Variants in CAMK1D observed in about 807,000 individuals in gnomAD.
CAMK1D encodes the protein calcium/calmodulin dependent protein kinase ID.
CAMK1D carries 9 observed loss-of-function variants against 47.7 expected under a neutral mutation model. The ratio of observed to expected loss-of-function variants is 0.19; its 90% CI spans 0.11 to 0.33. The LOEUF (loss-of-function observed/expected upper bound fraction) is 0.33, where lower values mean the gene tolerates loss of function less well. Ranked by LOEUF, CAMK1D falls within the 10% of genes least tolerant of loss-of-function variation. The pLI is 1.00. For synonymous variants in CAMK1D, 184 were observed against 184.9 expected (o/e 0.99, Z 0.04); for missense variants, 291 against 488.7 (o/e 0.60, Z 3.81).
At position 12,654,246 on chromosome 10, in the gene CAMK1D, A is replaced by C. The variant is rs369770051; in HGVS notation, c.225-12490A>C. On this transcript the variant is annotated intron_variant, in intron 2 of 10. Coordinates refer to ENST00000619168, the MANE Select transcript of CAMK1D (RefSeq NM_153498.4). ...GTATTTCATACAGGAATAGCTTCTA[A>C]ATTCACCTTGTAAGCATCCACAGTG... Among the ~76,000 whole-genome samples the C allele has an allele frequency of 7.9e-5, 12 of 152,308 alleles. No individual in the cohort carries two copies. The East Asian group carries it at 2.1e-3, about 27-fold the overall frequency.
chr10:12,716,343 A>G (rs1431963580), intron 3 of CAMK1D, among the ~76,000 whole-genome samples: 1 of 152,056 alleles, frequency 6.6e-6, no homozygotes, highest in African/African-American at 2.4e-5. Flanking sequence ...ACATTGTCAT[A>G]TGTCCCCTGC....
chr10:12,598,995 T>C (rs1838225292), intron 2 of CAMK1D, among the ~76,000 whole-genome samples: 1 of 152,186 alleles, frequency 6.6e-6, no homozygotes, highest in Non-Finnish European at 1.5e-5. Context: ...TGAGTAATGA[T>C]GCACGAGAAT....
At chr10:12,426,107 C>T (rs1840220906) in intron 1 of CAMK1D, among the ~76,000 whole-genome samples, 1 of 152,214 alleles carries the variant, frequency 6.6e-6, no homozygotes, top group South Asian at 2.1e-4. Flanking sequence ...AGCATTGCAA[C>T]AATTCCTCTT....
intron 5 of CAMK1D, among the ~76,000 whole-genome samples, chr10:12,781,972 GTT>G (rs58759372): frequency 0.014 from 1,782 of 128,524 alleles, 25 homozygotes; most frequent in East Asian, 0.054. Flanking sequence ...TAATTTAATT[GTT>G]TTTTTTTTTT....
chr10:12,773,194 CAG>C (rs1195159995), intron 5 of CAMK1D, among the ~76,000 whole-genome samples: 1 of 152,232 alleles, frequency 6.6e-6, no homozygotes, highest in Non-Finnish European at 1.5e-5. Context: ...TAAAAACACA[CAG>C]ATCATGAATC....
intron 3 of CAMK1D, among the ~76,000 whole-genome samples, chr10:12,710,156 TTAAG>T (rs1480268268): frequency 2.0e-5 from 3 of 152,220 alleles, no homozygotes. Flanking sequence ...CAGAAGAAAA[TTAAG>T]TGTTACCGTT....
intron 3 of CAMK1D, among the ~76,000 whole-genome samples, chr10:12,685,280 G>C (rs7895942): frequency 2.8e-4 from 43 of 152,160 alleles, no homozygotes; most frequent in African/African-American, 1.0e-3. Flanking sequence ...CAGCCTGGGC[G>C]ACAGAACGAG....
chr10:12,494,977 G>A (rs981076293), intron 1 of CAMK1D, among the ~76,000 whole-genome samples: 1 of 152,132 alleles, frequency 6.6e-6, no homozygotes, highest in African/African-American at 2.4e-5. Flanking sequence ...GATTCTAAAC[G>A]AGATCACTGC....
intron 2 of CAMK1D, among the ~76,000 whole-genome samples, chr10:12,657,690 A>G (rs1453172288): frequency 6.6e-6 from 1 of 152,220 alleles, no homozygotes; most frequent in Non-Finnish European, 1.5e-5. Flanking sequence ...AAAACTGGAA[A>G]GTGAGAATCT....
chr10:12,630,787 T>C lies in CAMK1D; in HGVS notation c.225-35949T>C, dbSNP rs112410664. Among the ~76,000 whole-genome samples the C allele has an allele frequency of 2.9e-3, 447 of 152,206 alleles. 3 individuals are homozygous for C. Among genetic ancestry groups the C allele is most frequent in the African/African-American group, 9.4e-3 (390 of 41,516 alleles). ...GACCTCACGTCCTCCGTACCTCCCTTCTTTGAGTTCCTATTGGACCTGCTT... is the reference window on the plus strand; with the variant it reads ...GACCTCACGTCCTCCGTACCTCCCTCCTTTGAGTTCCTATTGGACCTGCTT... On this transcript the variant is annotated intron_variant, in intron 2 of 10. Coordinates refer to ENST00000619168, the MANE Select transcript of CAMK1D (RefSeq NM_153498.4).
At chr10:12,617,094 G>A (rs1042207112) in intron 2 of CAMK1D, among the ~76,000 whole-genome samples, 1 of 152,122 alleles carries the variant, frequency 6.6e-6, no homozygotes, top group Non-Finnish European at 1.5e-5. Flanking sequence ...AAGGTGAGTG[G>A]TAGATTTTTT....
intron 1 of CAMK1D, among the ~76,000 whole-genome samples, chr10:12,524,556 A>C (rs1835556915): frequency 6.6e-6 from 1 of 151,944 alleles, no homozygotes; most frequent in South Asian, 2.1e-4. Context: ...AAATACAAAA[A>C]ATTAGCTGAG....
intron 1 of CAMK1D, among the ~76,000 whole-genome samples, chr10:12,387,457 A>T (rs1181459335): frequency 3.5e-4 from 32 of 92,552 alleles, no homozygotes; most frequent in Middle Eastern, 5.6e-3. Flanking sequence ...ATATATATAT[A>T]TATATATAGA....
At chr10:12,561,341 C>G (rs1836937209) in intron 2 of CAMK1D, among the ~76,000 whole-genome samples, 2 of 152,056 alleles carry the variant, frequency 1.3e-5, no homozygotes, top group African/African-American at 4.8e-5. Context: ...AGCCTGTCTG[C>G]TGAATGAGCT....
intron 1 of CAMK1D, among the ~76,000 whole-genome samples, chr10:12,506,062 C>G (rs1050749140): frequency 2.0e-5 from 3 of 152,280 alleles, no homozygotes; most frequent in Non-Finnish European, 2.9e-5. Context: ...ATTTTCCCGT[C>G]CATGTAATGG....
At chr10:12,375,386 C>T (rs1230458574) in intron 1 of CAMK1D, among the ~76,000 whole-genome samples, 4 of 152,310 alleles carry the variant, frequency 2.6e-5, no homozygotes, top group East Asian at 1.9e-4. Context: ...AAATCATCCC[C>T]GCCTTCCGTG....
chr10:12,428,997 T>C (rs550286821), intron 1 of CAMK1D, among the ~76,000 whole-genome samples: 2 of 152,332 alleles, frequency 1.3e-5, no homozygotes, highest in South Asian at 4.1e-4. Context: ...GTGTGGTTTA[T>C]GAGCCACCAG....
intron 2 of CAMK1D, among the ~76,000 whole-genome samples, chr10:12,614,313 T>TTTG (rs568343843): frequency 6.6e-6 from 1 of 152,230 alleles, no homozygotes; most frequent in East Asian, 1.9e-4. Flanking sequence ...ATGCCCTAGC[T>TTTG]TTGTTGTTGT....
chr10:12,595,091 C>T (rs866827260), intron 2 of CAMK1D, among the ~76,000 whole-genome samples: 2 of 151,886 alleles, frequency 1.3e-5, no homozygotes, highest in Non-Finnish European at 2.9e-5. Flanking sequence ...CCTGTAATCC[C>T]AACACTATGG....
Sources: gnomAD v4.1 joint callset for allele counts (sites outside exome capture counted in the v4.1 genomes callset) on GRCh38, gnomAD v4.1.1 for gene constraint, MANE v1.5 for transcripts, NCBI Gene and HGNC (gene_info 2026-07-23, HGNC 2026-07-21) for gene names.